The following AKR1B10 variants were observed in gnomAD, a reference collection of about 807,000 sequenced individuals.
The protein encoded by AKR1B10 is aldo-keto reductase family 1 member B10.
In AKR1B10, 39 loss-of-function variants were observed where a neutral mutation model predicts 38.9. The observed-to-expected ratio is 1.00, with a 90% CI of 0.78 to 1.31. The LOEUF is 1.31. Ranked by LOEUF, AKR1B10 falls within the 50% of genes most tolerant of loss-of-function variation. The pLI is 0.00. For synonymous variants in AKR1B10, 148 were observed against 141.2 expected, an observed-to-expected ratio of 1.05 and a Z score of -0.34; for missense variants, 361 against 382.6, an observed-to-expected ratio of 0.94 and a Z score of 0.47.
chr7:134,531,113 T>C (rs1027596910), intron 2 of AKR1B10, among the ~76,000 whole-genome samples: 4 of 152,134 alleles, frequency 2.6e-5, no homozygotes, highest in Admixed American at 2.6e-4. Context: ...CCAGAGGCAA[T>C]CAGAGGCCAA....
chr7:134,530,566 G>A, intron 1 of AKR1B10, 77 bp from the exon 2 acceptor site: 1 of 1,546,168 alleles, frequency 6.5e-7, no homozygotes, highest in Non-Finnish European at 8.8e-7. Flanking sequence ...GGAGTGTGAG[G>A]CCAGCCTGGG....
rs1261280998 is a variant in AKR1B10 at position 134,527,689 on chromosome 7, T to C, written c.-223T>C. ...GAGACCAGCCTGTCTCTACTAACAA[T>C]ATAAAAATTAGCTGGGAGTCACGGT... On this transcript the variant is annotated 5_prime_UTR_variant, in exon 1 of 10. Transcript: ENST00000359579. The C allele has an allele frequency of 1.0e-5, 4 of 390,420 alleles. No homozygotes were observed. The highest frequency in any genetic ancestry group is 2.0e-5 in the African/African-American group (1 of 49,332). 24.2% of individuals were successfully genotyped at this position (390,420 alleles called of 1,614,324 possible). A position where few individuals can be genotyped will look rare whatever the true frequency, so the allele number is the denominator to read the frequency against.
chr7:134,527,827 C>G lies in AKR1B10; in HGVS notation c.-85C>G. 1 of 1,586,132 alleles carries G rather than the reference C, an allele frequency of 6.3e-7. No individual in the cohort carries two copies. The highest frequency in any genetic ancestry group is 1.1e-5 in the South Asian group (1 of 89,034). ...CACCACTGCACTCTAGCCTTGGCAACAGTGCAAGACTGTCTCAAAAACAGC... is the reference window on the plus strand; with the variant it reads ...CACCACTGCACTCTAGCCTTGGCAAGAGTGCAAGACTGTCTCAAAAACAGC... On this transcript the variant is annotated 5_prime_UTR_variant, in exon 1 of 10. Transcript: ENST00000359579.
chr7:134,538,428 A>G lies in AKR1B10; in HGVS notation c.825+151A>G, dbSNP rs13309680. On this transcript the variant is annotated intron_variant, in intron 8 of 9. Coordinates refer to ENST00000359579, the MANE Select transcript of AKR1B10 (RefSeq NM_020299.5). ...TTTTCCAGCCCAGGGAGCTAGGGTCAGTAGAGCTGAGATGAATGACCCATG... is the reference window on the plus strand; with the variant it reads ...TTTTCCAGCCCAGGGAGCTAGGGTCGGTAGAGCTGAGATGAATGACCCATG... 4,619 of 782,802 alleles carry G rather than the reference A, an allele frequency of 5.9e-3. 19 individuals carry two copies. Among genetic ancestry groups the G allele is most frequent in the Non-Finnish European group, 7.5e-3 (3,577 of 479,434 alleles). 48.5% of individuals were successfully genotyped at this position (782,802 alleles called of 1,614,324 possible).
Position 134,536,744 on chromosome 7 carries a change from G to C in AKR1B10, c.524G>C (p.Gly175Ala). Residue 175 changes from glycine (G) to alanine (A), a missense_variant, in exon 5 of 10, where the codon GGA becomes GCA. By Grantham distance (60) the Gly-to-Ala change is moderately conservative (BLOSUM62 0). Coordinates refer to ENST00000359579, the MANE Select transcript of AKR1B10 (RefSeq NM_020299.5). ...FQIEKLLNKP[G>A]LKYKPVTNQV... is the part of the protein sequence containing the mutation. ...ATCGAGAAGCTCTTGAACAAACCTG[G>C]ACTGAAATATAAACCAGTGACTAAC... The C allele has an allele frequency of 6.2e-7, 1 of 1,613,878 alleles. No individual in the cohort carries two copies. Among genetic ancestry groups the C allele is most frequent in the Non-Finnish European group, 8.5e-7 (1 of 1,179,820 alleles).
chr7:134,534,816 A>C (rs1807954095), intron 4 of AKR1B10, among the ~76,000 whole-genome samples: 1 of 152,196 alleles, frequency 6.6e-6, no homozygotes, highest in Non-Finnish European at 1.5e-5. Context: ...AAACCTAATG[A>C]TTTCACAGCT....
chr7:134,537,159 T>C lies in AKR1B10; in HGVS notation c.659+2T>C. 1 of 1,579,678 alleles carries C rather than the reference T, an allele frequency of 6.3e-7. No individual in the cohort carries two copies. The highest frequency in any genetic ancestry group is 8.6e-7 in the Non-Finnish European group (1 of 1,166,022). Reference sequence around the variant, plus strand: ...CCTGGGCTCTCCGGATAGACCTTGGTGAGGCTTCCAAGTGGTGGGTCTTTC... The same window carrying C: ...CCTGGGCTCTCCGGATAGACCTTGGCGAGGCTTCCAAGTGGTGGGTCTTTC... On this transcript the variant is annotated splice_donor_variant, in intron 6 of 9. Coordinates refer to ENST00000359579, the MANE Select transcript of AKR1B10 (RefSeq NM_020299.5). LOFTEE classifies it high-confidence loss of function.
chr7:134,541,027 T>G lies in AKR1B10; in HGVS notation c.909-20T>G. The G allele has an allele frequency of 1.3e-6, 2 of 1,541,844 alleles. No individual in the cohort carries two copies. The highest frequency in any genetic ancestry group is 8.9e-7 in the Non-Finnish European group (1 of 1,118,554). ...ATGGAACTCAGTTTCTCTGTTTTTGTTTTTTGTTCTTTCCTGCAGATCCTC... is the reference window on the plus strand; with the variant it reads ...ATGGAACTCAGTTTCTCTGTTTTTGGTTTTTGTTCTTTCCTGCAGATCCTC... On this transcript the variant is annotated intron_variant, in intron 9 of 9. Transcript: ENST00000359579.
intron 1 of AKR1B10, 48 bp downstream of exon 1, chr7:134,528,025 G>C (rs1390346096): frequency 4.3e-5 from 69 of 1,605,190 alleles, no homozygotes; most frequent in Non-Finnish European, 5.8e-5. Context: ...AGGGGCGTTT[G>C]GGTGTTTTCT....
chr7:134,529,230 C>T (rs990342151), intron 1 of AKR1B10, among the ~76,000 whole-genome samples: 1 of 152,170 alleles, frequency 6.6e-6, no homozygotes, highest in African/African-American at 2.4e-5. Context: ...CCCTCTGCTG[C>T]AGCACTGGGT....
intron 5 of AKR1B10, 98 bp from the exon 6 acceptor site, chr7:134,536,953 G>A (rs2117551129): frequency 2.0e-5 from 32 of 1,577,214 alleles, no homozygotes; most frequent in Non-Finnish European, 2.8e-5. Context: ...CAGGTGTTTG[G>A]CCTTTGCTTG....
chr7:134,535,602 T>TC (rs1807977520), intron 4 of AKR1B10: 1 of 953,800 alleles, frequency 1.0e-6, no homozygotes, highest in African/African-American at 1.8e-5. Flanking sequence ...TTTTTTTTTT[T>TC]TTTTTTCTTT....
At position 134,530,775 on chromosome 7, in the gene AKR1B10, G is replaced by T. The variant is rs770935295; in HGVS notation, c.199G>T (p.Ala67Ser). The T allele has an allele frequency of 6.2e-7, 1 of 1,613,870 alleles. No individual in the cohort carries two copies. The highest frequency in any genetic ancestry group is 1.3e-5 in the African/African-American group (1 of 75,022). The change falls in exon 2 of 10, where the codon GCT becomes TCT. Residue 67 changes from alanine to serine, a missense_variant. Physicochemically the swap from Ala to Ser is moderately conservative, Grantham distance 99. Coordinates refer to ENST00000359579, the MANE Select transcript of AKR1B10 (RefSeq NM_020299.5). ...CATCCAAGAGAAGATCCAAGAGAAG[G>T]CTGTGAAGCGGGAGGACCTGTTCAT... ...EAIQEKIQEK[A>S]VKREDLFIVS...
In AKR1B10 at chr7:134,536,832, GAGGA is replaced by G. The variant is rs1289602983; in HGVS notation, c.552+62_552+65del. On this transcript the variant is annotated intron_variant, in intron 5 of 9. Transcript: ENST00000359579. Reference sequence around the variant, plus strand: ...CCCTATTACTTCTTAAACATTGCGGGAGGAATGTTCAATGCTATGCCCTGAGTCT... The same window carrying G: ...CCCTATTACTTCTTAAACATTGCGGGATGTTCAATGCTATGCCCTGAGTCT... The G allele has an allele frequency of 1.9e-6, 3 of 1,606,078 alleles. No individual in the cohort carries two copies. In the African/African-American group the frequency reaches 4.0e-5, roughly 21 times the overall value.
At chr7:134,528,512 C>T (rs950705637) in intron 1 of AKR1B10, among the ~76,000 whole-genome samples, 1 of 152,090 alleles carries the variant, frequency 6.6e-6, no homozygotes, top group Admixed American at 6.6e-5. Context: ...TTGCTTGAGC[C>T]CAGGAGTTGG....
intron 4 of AKR1B10, among the ~76,000 whole-genome samples, chr7:134,533,299 ACAATG>A (rs1385192276): frequency 6.6e-6 from 1 of 152,222 alleles, no homozygotes; most frequent in African/African-American, 2.4e-5. Context: ...GACTGGAAAT[ACAATG>A]TACCCCACTT....
At chr7:134,537,913 A>AGG (rs1366788862) in intron 7 of AKR1B10, among the ~76,000 whole-genome samples, 18 of 151,970 alleles carry the variant, frequency 1.2e-4, no homozygotes, top group Middle Eastern at 6.8e-3. Flanking sequence ...TTTGGAGTCT[A>AGG]GGGATATGGG....
In AKR1B10 at chr7:134,533,031, G is replaced by A. The variant is rs763551589; in HGVS notation, c.379G>A (p.Asp127Asn). The A allele has an allele frequency of 2.7e-5, 44 of 1,602,230 alleles. No individual in the cohort carries two copies. The highest frequency in any genetic ancestry group is 3.5e-5 in the Non-Finnish European group (41 of 1,176,058). Residue 127 changes from aspartate (D) to asparagine (N), a missense_variant, in exon 4 of 10, where the codon GAT (aspartate) becomes AAT (asparagine). By Grantham distance (23) the Asp-to-Asn change is conservative. Coordinates refer to ENST00000359579, the MANE Select transcript of AKR1B10 (RefSeq NM_020299.5). ...TGGGGATGACCTTTTCCCCAAAGAT[G>A]ATAAAGGTAATGCCATCGGTGGAAA... ...KSGDDLFPKD[D>N]KGNAIGGKAT...
At position 134,537,512 on chromosome 7, in the gene AKR1B10, T is replaced by C. The variant is rs185104962; in HGVS notation, c.660-68T>C. 3.9e-6 allele frequency: 6 copies of C among 1,530,254 alleles called. No homozygotes were observed. In the African/African-American group the frequency reaches 5.5e-5, roughly 14 times the overall value. 94.8% of individuals were successfully genotyped at this position (1,530,254 alleles called of 1,614,324 possible). The stretch of plus-strand genomic sequence containing the variant: ...CTGATGATCAGTCTTGAGACCCTCA[T>C]TGGAGTGGTGTCCTTCTGTACATGG... On this transcript the variant is annotated intron_variant, in intron 6 of 9. Coordinates refer to ENST00000359579, the MANE Select transcript of AKR1B10 (RefSeq NM_020299.5).
Sources: gnomAD v4.1 joint callset for allele counts (sites outside exome capture counted in the v4.1 genomes callset) on GRCh38, gnomAD v4.1.1 for gene constraint, MANE v1.5 for transcripts, NCBI Gene and HGNC (gene_info 2026-07-23, HGNC 2026-07-21) for gene names.